The following SLC4A4 variants were observed in gnomAD, a reference collection of about 807,000 sequenced individuals.
SLC4A4 encodes the protein solute carrier family 4 member 4, also known as electrogenic sodium bicarbonate cotransporter 1.
A neutral mutation model predicts 111.5 loss-of-function variants in SLC4A4; 27 were observed. That is an observed-to-expected ratio of 0.24 (90% CI 0.18 to 0.33). The LOEUF (loss-of-function observed/expected upper bound fraction) is 0.33, where lower values mean the gene tolerates loss of function less well. Ranked by LOEUF, SLC4A4 falls within the 10% of genes least tolerant of loss-of-function variation. The pLI is 1.00. For synonymous variants in SLC4A4, 443 were observed against 463.4 expected (o/e 0.96, Z 0.57); for missense variants, 909 against 1,315.5 (o/e 0.69, Z 4.78).
chr4:71,557,135 A>T (rs1736546146), intron 21 of SLC4A4, among the ~76,000 whole-genome samples: 2 of 152,022 alleles, frequency 1.3e-5, no homozygotes, highest in African/African-American at 4.8e-5. Context: ...TTTCTCTGAA[A>T]AGAAATGGTG....
chr4:71,118,620 C>T (rs554770859), intron 2 of SLC4A4, among the ~76,000 whole-genome samples: 1 of 151,824 alleles, frequency 6.6e-6, no homozygotes, highest in South Asian at 2.1e-4. Flanking sequence ...CCTATTTTTG[C>T]TTTTCTGGAA....
At chr4:71,107,210 T>G (rs1230810849) in intron 2 of SLC4A4, among the ~76,000 whole-genome samples, 1 of 152,166 alleles carries the variant, frequency 6.6e-6, no homozygotes, top group Non-Finnish European at 1.5e-5. Flanking sequence ...TTTGGGGAAT[T>G]TAATCCATTT....
At chr4:71,289,648 C>T (rs1409286966) in intron 3 of SLC4A4, among the ~76,000 whole-genome samples, 2 of 152,046 alleles carry the variant, frequency 1.3e-5, no homozygotes, top group East Asian at 3.9e-4. Context: ...ATGGGGCTGG[C>T]TGAGGAAGGA....
At chr4:71,549,664 C>T (rs1207049712) in intron 20 of SLC4A4, among the ~76,000 whole-genome samples, 1 of 151,758 alleles carries the variant, frequency 6.6e-6, no homozygotes, top group Non-Finnish European at 1.5e-5. Flanking sequence ...TATGTTACAG[C>T]AAATTGGCTT....
intron 4 of SLC4A4, among the ~76,000 whole-genome samples, chr4:71,344,984 A>G (rs2148896182): frequency 6.6e-6 from 1 of 152,232 alleles, no homozygotes; most frequent in South Asian, 2.1e-4. Context: ...TATGAACAAG[A>G]TTAAGTATTT....
chr4:71,105,542 C>G (rs1232490689), intron 2 of SLC4A4, among the ~76,000 whole-genome samples: 8 of 150,666 alleles, frequency 5.3e-5, no homozygotes, highest in African/African-American at 1.7e-4. Context: ...CTACAGTAAC[C>G]AAAACAGCAT....
chr4:71,543,298 G>C (rs1379279838), intron 18 of SLC4A4, among the ~76,000 whole-genome samples: 1 of 152,010 alleles, frequency 6.6e-6, no homozygotes, highest in Non-Finnish European at 1.5e-5. Flanking sequence ...GAGAGTTGAG[G>C]CTGGAGAAGA....
intron 16 of SLC4A4, among the ~76,000 whole-genome samples, chr4:71,513,540 G>A (rs753925404): frequency 1.3e-5 from 2 of 151,998 alleles, no homozygotes; most frequent in African/African-American, 4.8e-5. Flanking sequence ...GAGTTTTGGG[G>A]TTTTATTAGA....
At chr4:71,141,082 C>T (rs1743980711) in intron 2 of SLC4A4, among the ~76,000 whole-genome samples, 1 of 152,148 alleles carries the variant, frequency 6.6e-6, no homozygotes, top group Non-Finnish European at 1.5e-5. Flanking sequence ...GTTCATCATA[C>T]TGAGCAATAG....
intron 2 of SLC4A4, among the ~76,000 whole-genome samples, chr4:71,092,849 CA>C (rs1334304393): frequency 6.6e-6 from 1 of 152,190 alleles, no homozygotes; most frequent in Non-Finnish European, 1.5e-5. Flanking sequence ...GTAATCCCAG[CA>C]CTTTGGGAGG....
intron 2 of SLC4A4, among the ~76,000 whole-genome samples, chr4:71,166,762 T>C (rs1744788589): frequency 6.6e-6 from 1 of 152,224 alleles, no homozygotes; most frequent in African/African-American, 2.4e-5. Context: ...AGCTTCAGAT[T>C]CCTTGTCTGT....
intron 2 of SLC4A4, among the ~76,000 whole-genome samples, chr4:71,112,880 T>C (rs1743133047): frequency 6.6e-6 from 1 of 152,214 alleles, no homozygotes. Flanking sequence ...GTGATCATTC[T>C]TGAGATTTTG....
chr4:71,354,069 C>G (rs1317577725), intron 5 of SLC4A4, among the ~76,000 whole-genome samples: 1 of 152,192 alleles, frequency 6.6e-6, no homozygotes, highest in African/African-American at 2.4e-5. Context: ...GATAAAACAT[C>G]ATTTTCACAG....
intron 4 of SLC4A4, among the ~76,000 whole-genome samples, chr4:71,342,720 T>G (rs1728992280): frequency 6.6e-6 from 1 of 152,194 alleles, no homozygotes; most frequent in Non-Finnish European, 1.5e-5. Flanking sequence ...TAATTCCTGG[T>G]CCCAGAAAGG....
intron 2 of SLC4A4, among the ~76,000 whole-genome samples, chr4:71,136,280 C>G (rs1383740546): frequency 2.0e-5 from 3 of 152,230 alleles, no homozygotes; most frequent in African/African-American, 7.2e-5. Context: ...TGGATTCAAG[C>G]CTGATGTAGT....
intron 2 of SLC4A4, among the ~76,000 whole-genome samples, chr4:71,115,097 A>G (rs1462200991): frequency 2.0e-5 from 3 of 148,844 alleles, no homozygotes; most frequent in Admixed American, 6.8e-5. Flanking sequence ...CAAAAAACCA[A>G]ACACCGCATA....
chr4:71,487,081 T>A (rs1729474200), intron 15 of SLC4A4, 63 bp downstream of exon 15: 1 of 951,014 alleles, frequency 1.1e-6, no homozygotes, highest in Non-Finnish European at 1.7e-6. Flanking sequence ...TTGTTTATAA[T>A]ACTTATAATA....
At chr4:71,291,471 A>C (rs560758311) in intron 3 of SLC4A4, among the ~76,000 whole-genome samples, 1 of 151,802 alleles carries the variant, frequency 6.6e-6, no homozygotes, top group African/African-American at 2.4e-5. Context: ...ACAGGGTCTC[A>C]CTCTGCCACC....
chr4:71,162,794 C>T (rs903406477), intron 2 of SLC4A4, among the ~76,000 whole-genome samples: 7 of 152,052 alleles, frequency 4.6e-5, no homozygotes, highest in African/African-American at 7.2e-5. Context: ...ACTTTTATTA[C>T]GTAAGGTTAG....
Sources: allele counts gnomAD v4.1 joint callset (sites outside exome capture counted in the v4.1 genomes callset), GRCh38; gene constraint gnomAD v4.1.1; transcripts MANE v1.5; gene names NCBI Gene and HGNC (gene_info 2026-07-23, HGNC 2026-07-21).